Variants in ENO4 observed in about 807,000 individuals in gnomAD.
ENO4 encodes the protein 2-phospho-D-glycerate hydro-lyase.
A neutral mutation model predicts 63.2 loss-of-function variants in ENO4; 53 were observed. The ratio of observed to expected loss-of-function variants is 0.84; its 90% CI spans 0.67 to 1.05. ENO4 has a LOEUF of 1.05. ENO4 is among the 50% of genes least tolerant of loss of function. ENO4 has a pLI of 0.00. For synonymous variants in ENO4, 266 were observed against 283.8 expected (o/e 0.94, Z 0.63); for missense variants, 719 against 772.0 (o/e 0.93, Z 0.81).
Position 116,849,690 on chromosome 10 carries a change from T to A in ENO4, c.124T>A (p.Ser42Thr). Residue 42 changes from serine (S) to threonine (T), a missense_variant, in exon 1 of 14, where the codon TCC becomes ACC. This residue lies in a region of ENO4 where 544 missense variants were observed against 583.6 expected (regional missense o/e 0.93). Coordinates refer to ENST00000341276, the MANE Select transcript of ENO4 (RefSeq NM_001242699.2). The part of the protein sequence containing the change: ...VPRRLEELLN[S>T]TFYLQPADVY... ...GCGCAGGCTGGAAGAGCTGCTCAAC[T>A]CCACCTTCTACCTCCAGCCTGCCGA... The A allele has an allele frequency of 6.5e-7, 1 of 1,547,284 alleles. No homozygotes were observed. The highest frequency in any genetic ancestry group is 8.7e-7 in the Non-Finnish European group (1 of 1,145,510).
downstream of ENO4, chr10:116,886,298 C>T (rs1309525997): frequency 1.3e-6 from 2 of 1,551,050 alleles, no homozygotes; most frequent in Admixed American, 2.0e-5. Flanking sequence ...TAATCATGTG[C>T]TTATTGAAAA....
At chr10:116,876,740 G>GGAGATC (rs1330700721) in intron 11 of ENO4, among the ~76,000 whole-genome samples, 6 of 152,080 alleles carry the variant, frequency 3.9e-5, no homozygotes, top group African/African-American at 1.4e-4. Flanking sequence ...CACGAGGTCA[G>GGAGATC]GAGATCGAGA....
chr10:116,902,446 A>C (rs1847781857), intron 10 of ENO4, among the ~76,000 whole-genome samples: 1 of 152,212 alleles, frequency 6.6e-6, no homozygotes, highest in African/African-American at 2.4e-5. Context: ...TTTTAATGTG[A>C]ATGAGAAGTA....
intron 10 of ENO4, among the ~76,000 whole-genome samples, chr10:116,888,287 T>A (rs17616250): frequency 0.026 from 3,911 of 152,062 alleles, 81 homozygotes; most frequent in Non-Finnish European, 0.04. Flanking sequence ...TGGGGTGTAG[T>A]TTCTCCAGTG....
At chr10:116,885,063 AG>A (rs1178965611), downstream of ENO4, 1 of 152,648 alleles carries the variant, frequency 6.6e-6, no homozygotes, top group Non-Finnish European at 1.5e-5. Context: ...CTCCAAATTT[AG>A]GAAGTACATG....
Position 116,879,332 on chromosome 10 carries a change from T to A in ENO4, c.1579T>A (p.Ser527Thr), listed in dbSNP as rs761030157. Residue 527 changes from serine to threonine, a missense_variant, in exon 12 of 14, where the codon TCA becomes ACA. Ser to Thr is a moderately conservative substitution (Grantham distance 58). Transcript: ENST00000341276. ...TGTCTTTGGAAGTACAGAAGGAGAA[T>A]CATCTGATGACAGCCTTGTCGATTT... ...ITVFGSTEGE[S>T]SDDSLVDLAV... is the part of the protein sequence containing the mutation. 3 of 1,550,418 alleles carry A rather than the reference T, an allele frequency of 1.9e-6. No homozygotes were observed. Among genetic ancestry groups the A allele is most frequent in the African/African-American group, 1.4e-5 (1 of 73,010 alleles).
At chr10:116,900,093 G>A (rs1847678717) in intron 10 of ENO4, among the ~76,000 whole-genome samples, 1 of 152,178 alleles carries the variant, frequency 6.6e-6, no homozygotes, top group Non-Finnish European at 1.5e-5. Context: ...TTATACTTAA[G>A]AAACAGATTT....
intron 4 of ENO4, among the ~76,000 whole-genome samples, chr10:116,859,928 C>T (rs1010574544): frequency 3.9e-5 from 6 of 151,988 alleles, no homozygotes; most frequent in Non-Finnish European, 5.9e-5. Flanking sequence ...AGATTTGCCC[C>T]GAGACAAAAT....
downstream of ENO4, chr10:116,883,156 G>A (rs1187399079): frequency 1.3e-5 from 2 of 152,088 alleles, no homozygotes; most frequent in African/African-American, 4.8e-5. Context: ...TCAACACAGA[G>A]CAGTTTACTC....
intron 10 of ENO4, among the ~76,000 whole-genome samples, chr10:116,895,315 C>T (rs1328800436): frequency 6.6e-6 from 1 of 152,158 alleles, no homozygotes. Context: ...ATGCTGACGA[C>T]TAAAGTAGCT....
At chr10:116,853,303 A>G (rs1564842896) in intron 1 of ENO4, among the ~76,000 whole-genome samples, 2 of 151,780 alleles carry the variant, frequency 1.3e-5, no homozygotes, top group South Asian at 4.2e-4. Context: ...TCAAAAAAAA[A>G]AAAAAAAAAA....
At position 116,894,313 on chromosome 10, in the gene ENO4, T is replaced by TA. The variant is rs1847439162; in HGVS notation, c.1194+14328dup. 2.0e-5 allele frequency among the ~76,000 whole-genome samples: 3 copies of TA among 152,318 alleles called. No homozygotes were observed. The South Asian group carries it at 6.2e-4, about 32-fold the overall frequency. ...GGTTTCACTGGAAATGAACATTTTCTATTGAAATTGAAGTCTTATAATTGC... is the reference window on the plus strand; with the variant it reads ...GGTTTCACTGGAAATGAACATTTTCTAATTGAAATTGAAGTCTTATAATTGC... On this transcript the variant is annotated intron_variant, in intron 10 of 10. Transcript: ENST00000369207.
At chr10:116,900,233 T>C in intron 10 of ENO4, 1 of 306,058 alleles carries the variant, frequency 3.3e-6, no homozygotes, top group Non-Finnish European at 6.0e-6. Flanking sequence ...TAGAAGTTAA[T>C]ACAGCAGTCC....
At chr10:116,907,953 T>C in intron 10 of ENO4, 1 of 513,390 alleles carries the variant, frequency 1.9e-6, no homozygotes, top group South Asian at 1.4e-5. Context: ...TGGCTAAAAA[T>C]GGTTGTTTTA....
rs904097051 is a variant in ENO4, at chr10:116,868,507, A to G, written c.991-143A>G. 5.5e-6 allele frequency: 4 copies of G among 732,444 alleles called. No homozygotes were observed. The South Asian group carries it at 5.9e-5, about 11-fold the overall frequency. 45.4% of individuals were successfully genotyped at this position (732,444 alleles called of 1,614,324 possible). On this transcript the variant is annotated intron_variant, in intron 7 of 13. Transcript: ENST00000341276. ...AGTGGCTGGAATCATCCCTATGTGC[A>G]TGAGTGCGTGTGTGTGCGTGTATGT...
chr10:116,874,817 C>T (rs980188122), intron 10 of ENO4, among the ~76,000 whole-genome samples: 2 of 152,086 alleles, frequency 1.3e-5, no homozygotes, highest in Admixed American at 6.5e-5. Flanking sequence ...TGACTATAGG[C>T]GTGCACCACC....
chr10:116,881,498 A>G lies in ENO4; in HGVS notation c.1724-17A>G, dbSNP rs1407352104. ...ACCATTGGATTAGACAGTAAACTTTATTGTTACTTTAAATAGGTTTCAAAG... is the reference window on the plus strand; with the variant it reads ...ACCATTGGATTAGACAGTAAACTTTGTTGTTACTTTAAATAGGTTTCAAAG... On this transcript the variant is annotated splice_polypyrimidine_tract_variant and intron_variant, in intron 13 of 13. Coordinates refer to ENST00000341276, the MANE Select transcript of ENO4 (RefSeq NM_001242699.2). 1.3e-6 allele frequency: 2 copies of G among 1,523,390 alleles called. No homozygotes were observed. Among genetic ancestry groups the G allele is most frequent in the Non-Finnish European group, 1.8e-6 (2 of 1,134,682 alleles). 94.4% of individuals were successfully genotyped at this position (1,523,390 alleles called of 1,614,324 possible).
At chr10:116,862,546 C>G (rs1375568628) in intron 6 of ENO4, among the ~76,000 whole-genome samples, 3 of 152,124 alleles carry the variant, frequency 2.0e-5, no homozygotes, top group Non-Finnish European at 4.4e-5. Flanking sequence ...CTAACTTGAT[C>G]CAAGCAACTG....
intron 11 of ENO4, 73 bp downstream of exon 11, chr10:116,876,333 CAA>C: frequency 8.7e-7 from 1 of 1,155,998 alleles, no homozygotes; most frequent in Non-Finnish European, 1.2e-6. Flanking sequence ...CACAGCATAT[CAA>C]AGTTACTAAA....
Sources: allele counts gnomAD v4.1 joint callset (sites outside exome capture counted in the v4.1 genomes callset), GRCh38; gene constraint gnomAD v4.1.1; regional missense constraint gnomAD v4.1.1; transcripts MANE v1.5; gene names NCBI Gene and HGNC (gene_info 2026-07-23, HGNC 2026-07-21).